The following ZNF146 variants were observed in gnomAD, a reference collection of about 807,000 sequenced individuals.
ZNF146 encodes the protein zinc finger protein 146, also known as zinc finger protein OZF.
ZNF146 carries 9 observed loss-of-function variants against 22.2 expected under a neutral mutation model. The observed-to-expected ratio is 0.41, with a 90% CI of 0.24 to 0.71. The LOEUF is 0.71. ZNF146 is among the 30% of genes least tolerant of loss of function. The pLI is 0.34. For synonymous variants in ZNF146, 108 were observed against 119.2 expected, an observed-to-expected ratio of 0.91 and a Z score of 0.61; for missense variants, 194 against 344.8, an observed-to-expected ratio of 0.56 and a Z score of 3.46.
At chr19:36,228,051 T>G (rs1038568716) in intron 2 of ZNF146, among the ~76,000 whole-genome samples, 6 of 151,062 alleles carry the variant, frequency 4.0e-5, no homozygotes, top group Admixed American at 6.6e-5. Context: ...TCCCAGCTAC[T>G]CAGGAGGCTG....
In ZNF146 at chr19:36,237,082, C is replaced by T. The variant is rs780287104; in HGVS notation, c.642C>T (p.Cys214=). ...RIHSGDKPYE[C]NVCGKAFSQS... is the part of the protein sequence containing the mutation. ...ATTCAGGTGATAAACCTTACGAATG[C>T]AATGTTTGTGGAAAAGCCTTCTCTC... Residue 214 remains cysteine (C), a synonymous_variant, in exon 4 of 4, where the codon TGC becomes TGT. Transcript: ENST00000443387. 1 of 1,613,988 alleles carries T rather than the reference C, an allele frequency of 6.2e-7. No homozygotes were observed.
intron 2 of ZNF146, among the ~76,000 whole-genome samples, chr19:36,224,793 C>T (rs1599968954): frequency 1.3e-5 from 2 of 152,094 alleles, no homozygotes; most frequent in South Asian, 2.1e-4. Context: ...TCTTTATGTA[C>T]GTGATACGTA....
chr19:36,221,927 C>CTTTTTTTTT (rs60347994), intron 2 of ZNF146, among the ~76,000 whole-genome samples: 14 of 109,884 alleles, frequency 1.3e-4, no homozygotes, highest in Non-Finnish European at 1.8e-4. Flanking sequence ...TTTTTTCTTT[C>CTTTTTTTTT]TTTTTTTTTT....
intron 1 of ZNF146, among the ~76,000 whole-genome samples, chr19:36,216,738 T>C (rs1176258402): frequency 1.3e-5 from 2 of 152,028 alleles, no homozygotes; most frequent in Non-Finnish European, 2.9e-5. Context: ...CTAGACTTAC[T>C]ATGGAAAGAG....
chr19:36,227,577 A>G, intron 2 of ZNF146, among the ~76,000 whole-genome samples: 1 of 151,808 alleles, frequency 6.6e-6, no homozygotes, highest in East Asian at 1.9e-4. Context: ...TAATGGATGA[A>G]CCTGTATTCC....
At chr19:36,218,530 A>G (rs1339282428) in intron 2 of ZNF146, among the ~76,000 whole-genome samples, 1 of 151,198 alleles carries the variant, frequency 6.6e-6, no homozygotes. Context: ...CAGTGGCCTG[A>G]TCTCGGCTCA....
chr19:36,222,887 A>G (rs1230544704), intron 2 of ZNF146, among the ~76,000 whole-genome samples: 1 of 132,224 alleles, frequency 7.6e-6, no homozygotes, highest in African/African-American at 2.6e-5. Flanking sequence ...TAATTTAGTA[A>G]TAATAGTTTC....
chr19:36,224,026 G>C (rs1976970957), intron 2 of ZNF146, among the ~76,000 whole-genome samples: 1 of 152,002 alleles, frequency 6.6e-6, no homozygotes, highest in African/African-American at 2.4e-5. Context: ...TATGCTATCA[G>C]ATATGCATCC....
chr19:36,215,075 G>A (rs1976538487), upstream of ZNF146: 1 of 152,386 alleles, frequency 6.6e-6, no homozygotes, highest in Non-Finnish European at 1.5e-5. Context: ...GCCGCGTCGC[G>A]GAGACTTCTG....
chr19:36,229,648 G>T (rs1423118841), intron 3 of ZNF146, among the ~76,000 whole-genome samples: 4 of 152,012 alleles, frequency 2.6e-5, no homozygotes, highest in African/African-American at 9.7e-5. Flanking sequence ...TCATATAAAT[G>T]GTGGTATATT....
At chr19:36,229,520 A>G (rs1448349246) in intron 3 of ZNF146, among the ~76,000 whole-genome samples, 1 of 152,162 alleles carries the variant, frequency 6.6e-6, no homozygotes, top group African/African-American at 2.4e-5. Flanking sequence ...TTTTTTTGCA[A>G]AGTTGTGGTC....
At chr19:36,233,375 C>T (rs1163183991) in intron 3 of ZNF146, among the ~76,000 whole-genome samples, 3 of 152,110 alleles carry the variant, frequency 2.0e-5, no homozygotes, top group East Asian at 1.9e-4. Context: ...GTTTCCCCTC[C>T]ACAGCTGTGG....
intron 2 of ZNF146, among the ~76,000 whole-genome samples, chr19:36,220,456 C>G (rs748834890): frequency 8.6e-5 from 13 of 152,026 alleles, no homozygotes; most frequent in South Asian, 4.1e-4. Flanking sequence ...TCTCCGCCTC[C>G]TGGGTTCAAG....
chr19:36,220,631 G>A (rs1271122777), intron 2 of ZNF146, among the ~76,000 whole-genome samples: 1 of 152,070 alleles, frequency 6.6e-6, no homozygotes, highest in African/African-American at 2.4e-5. Context: ...CTCCCAAAGC[G>A]CTGGGATTAC....
chr19:36,223,690 A>C (rs112323773), intron 2 of ZNF146, among the ~76,000 whole-genome samples: 152,200 of 152,204 alleles, frequency 1, 76,098 homozygotes, highest in Non-Finnish European at 1. Context: ...TGGTTATCAG[A>C]CTTTTCCACT....
Position 36,237,533 on chromosome 19 carries a change from T to G in ZNF146, c.*214T>G. On this transcript the variant is annotated 3_prime_UTR_variant, in exon 4 of 4. Transcript: ENST00000443387. ...CCAACAGAGAAACCTGCAGCAGAGATAATGGTGAAAGTTTAGGCACATTTT... is the reference window on the plus strand; with the variant it reads ...CCAACAGAGAAACCTGCAGCAGAGAGAATGGTGAAAGTTTAGGCACATTTT... 3 of 430,586 alleles carry G rather than the reference T, an allele frequency of 7.0e-6. No individual in the cohort carries two copies. Among genetic ancestry groups the G allele is most frequent in the Admixed American group, 4.2e-5 (1 of 23,726 alleles). 26.7% of individuals were successfully genotyped at this position (430,586 alleles called of 1,614,324 possible).
chr19:36,230,137 A>C (rs1269076900), intron 3 of ZNF146, among the ~76,000 whole-genome samples: 1 of 152,250 alleles, frequency 6.6e-6, no homozygotes, highest in Non-Finnish European at 1.5e-5. Context: ...ATGCAGAAAC[A>C]ACTACATAGC....
Position 36,237,519 on chromosome 19 carries a change from A to T in ZNF146, c.*200A>T, listed in dbSNP as rs1345207931. ...TTAAAACCCTGTGTCCAACAGAGAA[A>T]CCTGCAGCAGAGATAATGGTGAAAG... On this transcript the variant is annotated 3_prime_UTR_variant, in exon 4 of 4. Transcript: ENST00000443387. 1.6e-5 allele frequency: 8 copies of T among 513,954 alleles called. No individual in the cohort carries two copies. In the African/African-American group the frequency reaches 1.6e-4, roughly 10 times the overall value. 31.8% of individuals were successfully genotyped at this position (513,954 alleles called of 1,614,324 possible).
intron 3 of ZNF146, among the ~76,000 whole-genome samples, chr19:36,229,789 GGCTCACT>G: frequency 6.6e-6 from 1 of 152,256 alleles, no homozygotes; most frequent in South Asian, 2.1e-4. Context: ...GCACAGTCTT[GGCTCACT>G]GCAACCTCCG....
Sources: allele counts gnomAD v4.1 joint callset (sites outside exome capture counted in the v4.1 genomes callset), GRCh38; gene constraint gnomAD v4.1.1; transcripts MANE v1.5; gene names NCBI Gene and HGNC (gene_info 2026-07-23, HGNC 2026-07-21).